Variants in UTS2 observed in about 807,000 individuals in gnomAD.
UTS2 encodes the protein urotensin-2.
A neutral mutation model predicts 12.6 loss-of-function variants in UTS2; 10 were observed. The ratio of observed to expected loss-of-function variants is 0.80; its 90% CI spans 0.49 to 1.35. UTS2 has a LOEUF of 1.35. Among genes scored for constraint, UTS2 ranks in the 40% most tolerant of loss-of-function variants. The pLI is 0.00. For synonymous variants in UTS2, 52 were observed against 50.0 expected (o/e 1.04, Z -0.17); for missense variants, 142 against 143.2 (o/e 0.99, Z 0.04).
the UTS2 span, among the ~76,000 whole-genome samples, chr1:7,862,988 G>GTATTTTAT: frequency 3.6e-5 from 1 of 28,004 alleles, no homozygotes. Context: ...TTATTGTGTT[G>GTATTTTAT]TGTTGTATTG....
At chr1:7,894,142 T>TTTC in the UTS2 span, among the ~76,000 whole-genome samples, 1 of 151,820 alleles carries the variant, frequency 6.6e-6, no homozygotes, top group Non-Finnish European at 1.5e-5. Context: ...CTTTTTTTTT[T>TTTC]TTCTTCTTCT....
chr1:7,886,907 G>A, the UTS2 span, among the ~76,000 whole-genome samples: 21,962 of 151,622 alleles, frequency 0.14, 1,904 homozygotes, highest in Non-Finnish European at 0.18. Flanking sequence ...AAGATTAGCT[G>A]GGCATGGTGG....
the UTS2 span, among the ~76,000 whole-genome samples, chr1:7,888,807 G>A: frequency 6.6e-6 from 1 of 152,138 alleles, no homozygotes; most frequent in South Asian, 2.1e-4. Flanking sequence ...AGGAACACAG[G>A]GGCTGACTGT....
the UTS2 span, among the ~76,000 whole-genome samples, chr1:7,875,109 C>A: frequency 6.6e-6 from 1 of 151,128 alleles, no homozygotes; most frequent in Non-Finnish European, 1.5e-5. Flanking sequence ...GAGTCTCACT[C>A]TGTCGCCCAG....
chr1:7,891,077 G>A, the UTS2 span, among the ~76,000 whole-genome samples: 5 of 151,896 alleles, frequency 3.3e-5, no homozygotes, highest in East Asian at 3.9e-4. Context: ...GAAAAGGAAT[G>A]AGCTATCGAT....
At chr1:7,887,838 T>C in the UTS2 span, among the ~76,000 whole-genome samples, 1 of 151,890 alleles carries the variant, frequency 6.6e-6, no homozygotes, top group Non-Finnish European at 1.5e-5. Context: ...AGATTATAAG[T>C]GAACTTGGGA....
chr1:7,908,465 A>T, the UTS2 span, among the ~76,000 whole-genome samples: 1 of 150,224 alleles, frequency 6.7e-6, no homozygotes, highest in Non-Finnish European at 1.5e-5. Flanking sequence ...TGTCTCAAAA[A>T]AAAAAAAAAA....
At chr1:7,881,951 C>G in the UTS2 span, among the ~76,000 whole-genome samples, 2 of 152,160 alleles carry the variant, frequency 1.3e-5, no homozygotes, top group Non-Finnish European at 2.9e-5. Context: ...TGGAAAAGCA[C>G]AGAAAACCCA....
chr1:7,862,969 G>T, the UTS2 span, among the ~76,000 whole-genome samples: 1 of 148,248 alleles, frequency 6.7e-6, no homozygotes, highest in Non-Finnish European at 1.5e-5. Context: ...CTACCCTGAC[G>T]GCCGTTATTT....
the UTS2 span, among the ~76,000 whole-genome samples, chr1:7,901,132 T>C: frequency 6.4e-3 from 980 of 152,328 alleles, 8 homozygotes; most frequent in Middle Eastern, 0.02. Context: ...TTTTCAAATG[T>C]ATTGGCAAAA....
the UTS2 span, among the ~76,000 whole-genome samples, chr1:7,867,813 T>G: frequency 1.1e-4 from 17 of 152,140 alleles, no homozygotes; most frequent in Admixed American, 1.0e-3. Flanking sequence ...GAGGTGGAAG[T>G]TGCAGTGAGG....
chr1:7,873,806 T>C, the UTS2 span, among the ~76,000 whole-genome samples: 1 of 152,222 alleles, frequency 6.6e-6, no homozygotes, highest in African/African-American at 2.4e-5. Flanking sequence ...TTGAAAGAAC[T>C]GACTCCAATT....
At chr1:7,910,785 G>T in the UTS2 span, among the ~76,000 whole-genome samples, 1 of 152,068 alleles carries the variant, frequency 6.6e-6, no homozygotes, top group African/African-American at 2.4e-5. Context: ...GGAGTGCAGT[G>T]GCACAATCAT....
chr1:7,851,567 C>T (rs1184194417), intron 1 of UTS2, among the ~76,000 whole-genome samples: 1 of 152,072 alleles, frequency 6.6e-6, no homozygotes, highest in African/African-American at 2.4e-5. Flanking sequence ...AAGTGCAGAC[C>T]TGCTGCTGTG....
the UTS2 span, among the ~76,000 whole-genome samples, chr1:7,912,730 C>T: frequency 6.6e-6 from 1 of 152,060 alleles, no homozygotes; most frequent in South Asian, 2.1e-4. Context: ...CATGTGCCCT[C>T]CACTGGGGCC....
the UTS2 span, among the ~76,000 whole-genome samples, chr1:7,894,763 C>T: frequency 3.3e-5 from 5 of 151,502 alleles, no homozygotes; most frequent in African/African-American, 9.7e-5. Flanking sequence ...GGGCAGATCA[C>T]GAGGTCAGGA....
At chr1:7,905,479 G>A in the UTS2 span, among the ~76,000 whole-genome samples, 237 of 148,988 alleles carry the variant, frequency 1.6e-3, 2 homozygotes, top group Middle Eastern at 0.014. Flanking sequence ...AAAAGTAATT[G>A]CGGTTTTTGC....
the UTS2 span, among the ~76,000 whole-genome samples, chr1:7,861,509 C>T: frequency 1.3e-5 from 2 of 152,206 alleles, no homozygotes; most frequent in Admixed American, 6.5e-5. Flanking sequence ...GACGCTCTGG[C>T]GTCAGGAGAG....
At chr1:7,877,359 C>A in the UTS2 span, among the ~76,000 whole-genome samples, 2 of 151,992 alleles carry the variant, frequency 1.3e-5, no homozygotes, top group South Asian at 2.1e-4. Context: ...ATCAGAGAAG[C>A]AATTCATGAT....
Sources: allele counts gnomAD v4.1 joint callset (sites outside exome capture counted in the v4.1 genomes callset), GRCh38; gene constraint gnomAD v4.1.1; transcripts MANE v1.5; gene names NCBI Gene and HGNC (gene_info 2026-07-23, HGNC 2026-07-21).